Variants in DNAJC3 observed in about 807,000 individuals in gnomAD.
DNAJC3 encodes the protein dnaJ homolog subfamily C member 3.
Under a neutral mutation model 68.6 loss-of-function variants are expected in DNAJC3, and 38 were observed. That is an observed-to-expected ratio of 0.55 (90% CI 0.43 to 0.73). The LOEUF (loss-of-function observed/expected upper bound fraction) is 0.73. DNAJC3 is among the 30% of genes least tolerant of loss of function. DNAJC3 has a pLI of 0.00. For missense variants in DNAJC3, 526 were observed against 591.9 expected (o/e 0.89, Z 1.16); for synonymous variants, 203 against 204.0 (o/e 1.00, Z 0.04).
chr13:95,727,814 T>C (rs1369529445), intron 4 of DNAJC3, among the ~76,000 whole-genome samples: 1 of 152,212 alleles, frequency 6.6e-6, no homozygotes, highest in Non-Finnish European at 1.5e-5. Context: ...TTCATGTACC[T>C]ACCACCATAG....
At chr13:95,691,629 C>T (rs1333642386) in intron 1 of DNAJC3, among the ~76,000 whole-genome samples, 1 of 151,900 alleles carries the variant, frequency 6.6e-6, no homozygotes, top group African/African-American at 2.4e-5. Flanking sequence ...CAGGCGGAGA[C>T]GCTCCTCACT....
At chr13:95,764,645 CAT>C (rs755441205) in intron 9 of DNAJC3, among the ~76,000 whole-genome samples, 7,039 of 56,284 alleles carry the variant, frequency 0.13, 335 homozygotes, top group Middle Eastern at 0.14. Context: ...AAATAGAATC[CAT>C]ATATATATAT....
intron 1 of DNAJC3, among the ~76,000 whole-genome samples, chr13:95,688,928 G>GTT (rs1555321774): frequency 8.4e-3 from 392 of 46,890 alleles, no homozygotes; most frequent in African/African-American, 0.022. Flanking sequence ...GATTGTGTGG[G>GTT]TGTGTGTGTG....
chr13:95,687,255 G>A (rs1368525659), intron 1 of DNAJC3, among the ~76,000 whole-genome samples: 4 of 151,946 alleles, frequency 2.6e-5, no homozygotes, highest in South Asian at 2.1e-4. Context: ...GTTGTTTATC[G>A]GTCTTGGAGT....
At chr13:95,729,981 T>C (rs1227952972) in intron 4 of DNAJC3, among the ~76,000 whole-genome samples, 1 of 152,158 alleles carries the variant, frequency 6.6e-6, no homozygotes, top group African/African-American at 2.4e-5. Flanking sequence ...TTGTGTCTTT[T>C]GCTGTGCAGA....
chr13:95,726,612 T>C (rs1178164442), intron 4 of DNAJC3, among the ~76,000 whole-genome samples: 1 of 152,168 alleles, frequency 6.6e-6, no homozygotes, highest in African/African-American at 2.4e-5. Flanking sequence ...TGTTAGGGAA[T>C]GTTACAGATT....
intron 2 of DNAJC3, among the ~76,000 whole-genome samples, chr13:95,717,063 C>T (rs3848075): frequency 0.068 from 10,349 of 151,928 alleles, 480 homozygotes; most frequent in East Asian, 0.18. Context: ...AAGAGATGTG[C>T]GTTTATCAGA....
Position 95,742,768 on chromosome 13 carries a change from G to A in DNAJC3, c.394-14876G>A, listed in dbSNP as rs769033655. On this transcript the variant is annotated intron_variant, in intron 4 of 11. Coordinates refer to ENST00000602402, the MANE Select transcript of DNAJC3 (RefSeq NM_006260.5). ...CAGCCATCTCTGAATGCCTTCCTCA[G>A]TCTTTAAATTTGATGAAGTTCAATT... The A allele has an allele frequency of 3.9e-5, 20 of 518,900 alleles. No homozygotes were observed. The East Asian group carries it at 1.0e-3, about 27-fold the overall frequency. 32.1% of individuals were successfully genotyped at this position (518,900 alleles called of 1,614,324 possible). A position where few individuals can be genotyped will look rare whatever the true frequency, so the allele number is the denominator to read the frequency against.
intron 2 of DNAJC3, among the ~76,000 whole-genome samples, chr13:95,715,533 G>A (rs1373029199): frequency 6.6e-6 from 1 of 150,484 alleles, no homozygotes; most frequent in African/African-American, 2.5e-5. Context: ...CCAGGCTGGA[G>A]TGTGGTGGCG....
chr13:95,791,327 ATTAT>A lies in DNAJC3; in HGVS notation c.*300_*303del. ...CCGTGGAAGTGCTCACGTATTCTGTATTATTTTTCTACACTGGAGCTGAGATTCT... is the reference window on the plus strand; with the variant it reads ...CCGTGGAAGTGCTCACGTATTCTGTATTTTCTACACTGGAGCTGAGATTCT... On this transcript the variant is annotated 3_prime_UTR_variant, in exon 12 of 12. Transcript: ENST00000602402. The A allele has an allele frequency of 1.2e-5, 1 of 83,706 alleles. No homozygotes were observed. The highest frequency in any genetic ancestry group is 2.0e-5 in the Non-Finnish European group (1 of 49,680). 5.2% of individuals were successfully genotyped at this position (83,706 alleles called of 1,614,324 possible).
chr13:95,791,367 G>C lies in DNAJC3; in HGVS notation c.*337G>C. ...TGGAGCTGAGATTCTTCTCTTCACA[G>C]CCTTGCAGAGTAAGTCAGTGCCTAC... is the stretch of plus-strand genomic sequence containing the variant. On this transcript the variant is annotated 3_prime_UTR_variant, in exon 12 of 12. Transcript: ENST00000602402. 3.3e-6 allele frequency: 1 copy of C among 306,458 alleles called. No individual in the cohort carries two copies. Among genetic ancestry groups the C allele is most frequent in the Non-Finnish European group, 6.2e-6 (1 of 162,454 alleles). 19.0% of individuals were successfully genotyped at this position (306,458 alleles called of 1,614,324 possible). A position where few individuals can be genotyped will look rare whatever the true frequency, so the allele number is the denominator to read the frequency against.
At chr13:95,759,720 A>G (rs1882764429) in intron 5 of DNAJC3, among the ~76,000 whole-genome samples, 1 of 152,348 alleles carries the variant, frequency 6.6e-6, no homozygotes, top group East Asian at 1.9e-4. Flanking sequence ...CAACCCTCCA[A>G]TAGTAAATGC....
intron 9 of DNAJC3, among the ~76,000 whole-genome samples, chr13:95,767,682 G>A (rs1287440983): frequency 6.9e-6 from 1 of 145,552 alleles, no homozygotes; most frequent in Non-Finnish European, 1.5e-5. Flanking sequence ...CTCGTCAACA[G>A]TTTTTTGGGT....
Position 95,787,159 on chromosome 13 carries a change from T to G in DNAJC3, c.1357+4T>G. ...AAAGAAGTCCTCTCTGATCCAGGTA[T>G]TATTAGCTTTTATTCCTTTGACTCA... On this transcript the variant is annotated splice_donor_region_variant and intron_variant, in intron 11 of 11. Coordinates refer to ENST00000602402, the MANE Select transcript of DNAJC3 (RefSeq NM_006260.5). 1 of 1,607,724 alleles carries G rather than the reference T, an allele frequency of 6.2e-7. No individual in the cohort carries two copies. The highest frequency in any genetic ancestry group is 8.5e-7 in the Non-Finnish European group (1 of 1,178,362).
At chr13:95,718,941 C>T (rs921648396) in intron 2 of DNAJC3, among the ~76,000 whole-genome samples, 20 of 152,088 alleles carry the variant, frequency 1.3e-4, no homozygotes, top group African/African-American at 4.6e-4. Flanking sequence ...GCCTAAGATC[C>T]CACAGATTGA....
intron 9 of DNAJC3, among the ~76,000 whole-genome samples, chr13:95,766,799 C>T (rs910953273): frequency 1.3e-5 from 2 of 151,682 alleles, no homozygotes; most frequent in Non-Finnish European, 2.9e-5. Flanking sequence ...GGTCCCGGTT[C>T]AAGCAATTCT....
At chr13:95,760,917 G>C (rs566109123) in intron 7 of DNAJC3, 119 bp downstream of exon 7, 1 of 1,356,848 alleles carries the variant, frequency 7.4e-7, no homozygotes, top group Non-Finnish European at 9.7e-7. Context: ...ATTCTAGATA[G>C]CCCTGGGCCT....
chr13:95,738,137 G>A (rs1231691768), intron 4 of DNAJC3, among the ~76,000 whole-genome samples: 3 of 149,556 alleles, frequency 2.0e-5, no homozygotes, highest in African/African-American at 7.4e-5. Context: ...GCAGTTTTGA[G>A]TGAGATTCTT....
At chr13:95,723,696 T>C (rs1421275427) in intron 3 of DNAJC3, among the ~76,000 whole-genome samples, 2 of 152,188 alleles carry the variant, frequency 1.3e-5, no homozygotes, top group African/African-American at 4.8e-5. Flanking sequence ...TGAATTAAGA[T>C]GCTATCAGGT....
Sources: allele counts gnomAD v4.1 joint callset (sites outside exome capture counted in the v4.1 genomes callset), GRCh38; gene constraint gnomAD v4.1.1; transcripts MANE v1.5; gene names NCBI Gene and HGNC (gene_info 2026-07-23, HGNC 2026-07-21).